The following RAB27A variants were observed in gnomAD, a reference collection of about 807,000 sequenced individuals.
RAB27A encodes the protein RAB27A, member RAS oncogene family.
RAB27A carries 17 observed loss-of-function variants against 20.8 expected under a neutral mutation model. The observed-to-expected ratio is 0.82, with a 90% confidence interval of 0.56 to 1.23. The LOEUF (loss-of-function observed/expected upper bound fraction) is 1.23, where lower values mean the gene tolerates loss of function less well. Among genes scored for constraint, RAB27A ranks in the 50% most tolerant of loss-of-function variants. The pLI is 0.00. For missense variants in RAB27A, 277 were observed against 266.7 expected (o/e 1.04, Z -0.27); for synonymous variants, 85 against 92.8 (o/e 0.92, Z 0.48).
chr15:55,302,680 C>G (rs1189658492), intron 2 of RAB27A, among the ~76,000 whole-genome samples: 1 of 114,536 alleles, frequency 8.7e-6, no homozygotes, highest in African/African-American at 4.5e-5. Flanking sequence ...AGCGTCTCTG[C>G]CCGGCCGCCC....
At chr15:55,228,579 A>G in intron 5 of RAB27A, 30 bp downstream of exon 5, 2 of 1,475,188 alleles carry the variant, frequency 1.4e-6, no homozygotes. Flanking sequence ...GGGACTGTGT[A>G]GCAGGACACT....
At chr15:55,277,815 A>C (rs1370091621) in intron 1 of RAB27A, among the ~76,000 whole-genome samples, 1 of 152,208 alleles carries the variant, frequency 6.6e-6, no homozygotes. Context: ...GCTGGGTGAC[A>C]CTCAGTGGGA....
In RAB27A at chr15:55,247,196, T is replaced by C. The variant is rs767978792; in HGVS notation, c.-22-12240A>G. ...ACCTGGAAGGTAGAACATCTGCAAGTCCAACTGGTAAGTACAGGGAATTCT... is the reference window on the plus strand; with the variant it reads ...ACCTGGAAGGTAGAACATCTGCAAGCCCAACTGGTAAGTACAGGGAATTCT... On this transcript the variant is annotated intron_variant, in intron 2 of 6. Transcript: ENST00000336787. Among the ~76,000 whole-genome samples, 207 of 152,018 alleles carry C rather than the reference T, an allele frequency of 1.4e-3. 3 individuals are homozygous for C. The highest frequency in any genetic ancestry group is 4.7e-4 in the Non-Finnish European group (32 of 68,006).
chr15:55,249,535 C>T (rs1483791691), intron 2 of RAB27A, among the ~76,000 whole-genome samples: 1 of 152,178 alleles, frequency 6.6e-6, no homozygotes, highest in East Asian at 1.9e-4. Flanking sequence ...CCTATCTCAG[C>T]CTCCCAAAGT....
intron 2 of RAB27A, among the ~76,000 whole-genome samples, chr15:55,238,835 T>TTC (rs1896369534): frequency 7.1e-6 from 1 of 140,836 alleles, no homozygotes; most frequent in Admixed American, 6.7e-5. Context: ...TTCAAAAGAG[T>TTC]TCTGATCAAC....
chr15:55,243,338 A>T (rs1896565703), intron 2 of RAB27A, among the ~76,000 whole-genome samples: 1 of 152,196 alleles, frequency 6.6e-6, no homozygotes, highest in South Asian at 2.1e-4. Flanking sequence ...GTTTTCTCTC[A>T]AATAAGTATT....
At chr15:55,316,399 G>T (rs1164046883) in intron 1 of RAB27A, among the ~76,000 whole-genome samples, 1 of 144,244 alleles carries the variant, frequency 6.9e-6, no homozygotes, top group South Asian at 2.3e-4. Context: ...ACACAGGGAG[G>T]GGAACATCAC....
intron 2 of RAB27A, among the ~76,000 whole-genome samples, chr15:55,252,832 A>C (rs1446649796): frequency 6.6e-6 from 1 of 151,878 alleles, no homozygotes; most frequent in East Asian, 1.9e-4. Context: ...CTACTCTGCC[A>C]ACCAGTTTGA....
At chr15:55,213,280 T>C (rs548973514) in intron 6 of RAB27A, among the ~76,000 whole-genome samples, 3 of 152,372 alleles carry the variant, frequency 2.0e-5, no homozygotes, top group South Asian at 2.1e-4. Context: ...TGTATTCTCA[T>C]AGCATGTTAA....
At chr15:55,274,794 T>TATATATATATATATATATA (rs1897805753) in intron 1 of RAB27A, among the ~76,000 whole-genome samples, 1 of 52,172 alleles carries the variant, frequency 1.9e-5, no homozygotes, top group Non-Finnish European at 4.3e-5. Context: ...AATAAATAAA[T>TATATATATATATATATATA]TATATATATA....
At chr15:55,273,408 C>CAAAAAAA (rs538573721) in intron 1 of RAB27A, among the ~76,000 whole-genome samples, 1 of 109,690 alleles carries the variant, frequency 9.1e-6, no homozygotes, top group African/African-American at 3.5e-5. Flanking sequence ...GACTCCATCT[C>CAAAAAAA]AAAAAAAAAA....
rs751948980 is a variant in RAB27A, at chr15:55,223,937, T to TG, written c.418dup (p.Gln140ProfsTer22). 1 of 1,613,986 alleles carries TG rather than the reference T, an allele frequency of 6.2e-7. No homozygotes were observed. Among genetic ancestry groups the TG allele is most frequent in the South Asian group, 1.1e-5 (1 of 91,086 alleles). ...GGCTTCCTCCTCTTTCACTACTCTC[T>TG]GGTCCTCCAGATCACTCTTGTTTCC... On this transcript the variant is annotated frameshift_variant, in exon 6 of 7. Transcript: ENST00000336787. LOFTEE classifies it high-confidence loss of function.
chr15:55,284,871 C>A (rs1275521654), intron 1 of RAB27A, among the ~76,000 whole-genome samples: 3 of 152,158 alleles, frequency 2.0e-5, no homozygotes, highest in Admixed American at 2.0e-4. Context: ...GAAATGTTCT[C>A]TAACTTCCTT....
chr15:55,239,125 T>A lies in RAB27A; in HGVS notation c.-22-4169A>T, dbSNP rs547223722. On this transcript the variant is annotated intron_variant, in intron 2 of 6. Transcript: ENST00000336787. ...TCTAAAAGTTTTAGTTGGTTCTGAG[T>A]ATATTTTACTAAATCAAACTGTGCT... is the stretch of plus-strand genomic sequence containing the variant. Among the ~76,000 whole-genome samples, 4 of 152,312 alleles carry A rather than the reference T, an allele frequency of 2.6e-5. No homozygotes were observed. In the South Asian group the frequency reaches 8.3e-4, roughly 32 times the overall value.
At chr15:55,272,671 T>C (rs954214315) in intron 1 of RAB27A, among the ~76,000 whole-genome samples, 3 of 152,256 alleles carry the variant, frequency 2.0e-5, no homozygotes, top group Admixed American at 6.5e-5. Flanking sequence ...GTGGTTCTGC[T>C]GCCTCCCAAA....
intron 6 of RAB27A, among the ~76,000 whole-genome samples, chr15:55,213,581 A>G (rs1295354334): frequency 1.3e-5 from 2 of 152,134 alleles, no homozygotes; most frequent in Non-Finnish European, 2.9e-5. Flanking sequence ...ATCTGTATTT[A>G]CAGCTGCTCC....
chr15:55,230,452 C>G lies in RAB27A; in HGVS notation c.188G>C (p.Gly63Ala). The change falls in exon 4 of 7, where the codon GGC becomes GCC. Residue 63 changes from glycine to alanine, a missense_variant. Coordinates refer to ENST00000336787, the MANE Select transcript of RAB27A (RefSeq NM_183235.3). Reference protein sequence around the residue: ...YRASGPDGATGRGQRIHLQLW... With the variant: ...YRASGPDGATARGQRIHLQLW... ...CTGCAGGTGGATTCTCTGGCCTCTG[C>G]CAGTGGCTCCATCCGGCCCACTGGC... 1 of 1,613,930 alleles carries G rather than the reference C, an allele frequency of 6.2e-7. No homozygotes were observed. The highest frequency in any genetic ancestry group is 8.5e-7 in the Non-Finnish European group (1 of 1,179,824).
intron 6 of RAB27A, among the ~76,000 whole-genome samples, chr15:55,213,572 T>C (rs1566899421): frequency 6.6e-6 from 1 of 152,204 alleles, no homozygotes; most frequent in Non-Finnish European, 1.5e-5. Flanking sequence ...CCAAGTTTCA[T>C]CTGTATTTAC....
intron 6 of RAB27A, among the ~76,000 whole-genome samples, chr15:55,210,978 A>G (rs1894999426): frequency 6.6e-6 from 1 of 152,152 alleles, no homozygotes; most frequent in Non-Finnish European, 1.5e-5. Flanking sequence ...ATTGTTCTGC[A>G]TGTGGCTATG....
Sources: gnomAD v4.1 joint callset for allele counts (sites outside exome capture counted in the v4.1 genomes callset) on GRCh38, gnomAD v4.1.1 for gene constraint, MANE v1.5 for transcripts, NCBI Gene and HGNC (gene_info 2026-07-23, HGNC 2026-07-21) for gene names.